FBXO7: variants seen among roughly 807,000 people sequenced by gnomAD.
The protein encoded by FBXO7 is F-box only protein 7.
A neutral mutation model predicts 50.2 loss-of-function variants in FBXO7; 31 were observed. That is an observed-to-expected ratio of 0.62 (90% CI 0.46 to 0.83). The LOEUF (loss-of-function observed/expected upper bound fraction) is 0.83, where lower values mean the gene tolerates loss of function less well. FBXO7 is among the 40% of genes least tolerant of loss of function. The pLI, the probability that FBXO7 is intolerant of heterozygous loss-of-function variation, is 0.00. For missense variants in FBXO7, 667 were observed against 646.6 expected, an observed-to-expected ratio of 1.03 and a Z score of -0.34; for synonymous variants, 256 against 253.1, an observed-to-expected ratio of 1.01 and a Z score of -0.11.
intron 8 of FBXO7, 25 bp downstream of exon 8, chr22:32,495,555 T>G: frequency 7.3e-7 from 1 of 1,362,222 alleles, no homozygotes; most frequent in South Asian, 1.2e-5. Context: ...ATATTAAGAC[T>G]AATGTCCATA....
chr22:32,496,437 G>T (rs536246592), intron 8 of FBXO7, among the ~76,000 whole-genome samples: 4 of 152,156 alleles, frequency 2.6e-5, no homozygotes, highest in East Asian at 1.9e-4. Context: ...AGCCAAGATC[G>T]CTCCATTGCA....
intron 5 of FBXO7, chr22:32,490,156 G>A (rs1172384780): frequency 1.3e-5 from 2 of 152,166 alleles, no homozygotes; most frequent in Non-Finnish European, 2.9e-5. Flanking sequence ...GAAGGAGCAA[G>A]CATAAATTGC....
intron 2 of FBXO7, among the ~76,000 whole-genome samples, chr22:32,481,618 G>A (rs1358622470): frequency 2.0e-5 from 3 of 152,188 alleles, no homozygotes; most frequent in African/African-American, 7.2e-5. Flanking sequence ...ATCACACTCT[G>A]TAATGTAGAA....
chr22:32,487,707 A>G (rs1209999871), intron 4 of FBXO7, 38 bp from the exon 5 acceptor site: 1 of 1,349,512 alleles, frequency 7.4e-7, no homozygotes, highest in African/African-American at 1.4e-5. Context: ...TGATGAAGTG[A>G]CAGAATTCTT....
At chr22:32,477,799 G>A (rs933897502) in intron 1 of FBXO7, among the ~76,000 whole-genome samples, 1 of 152,160 alleles carries the variant, frequency 6.6e-6, no homozygotes, top group Non-Finnish European at 1.5e-5. Context: ...ACTAGTGTTT[G>A]GTGGTTGCAT....
Position 32,479,182 on chromosome 22 carries a change from C to T in FBXO7, c.324C>T (p.Thr108=), listed in dbSNP as rs1035271596. The change falls in exon 2 of 9, where the codon ACC becomes ACT. Residue 108 remains threonine (T), a synonymous_variant. Transcript: ENST00000266087. ...LQNNEQPSLA[T]SSNQTSMQDE... ...ATAATGAGCAACCCTCTTTGGCCAC[C>T]AGCTCCAATCAGACTAGCATGCAGG... The T allele has an allele frequency of 6.2e-7, 1 of 1,614,052 alleles. No individual in the cohort carries two copies. The highest frequency in any genetic ancestry group is 1.3e-5 in the African/African-American group (1 of 74,992).
chr22:32,475,354 T>C (rs1465029093), intron 1 of FBXO7: 1 of 1,609,184 alleles, frequency 6.2e-7, no homozygotes, highest in African/African-American at 1.3e-5. Flanking sequence ...GTCCGGCTCC[T>C]GGAGAACATG....
chr22:32,482,430 G>A (rs1014939852), intron 2 of FBXO7, among the ~76,000 whole-genome samples: 1 of 152,134 alleles, frequency 6.6e-6, no homozygotes, highest in Admixed American at 6.5e-5. Context: ...CTAAAAAGAC[G>A]AAACGTATGC....
intron 1 of FBXO7, chr22:32,475,421 G>A: frequency 6.2e-7 from 1 of 1,610,382 alleles, no homozygotes; most frequent in South Asian, 1.1e-5. Context: ...TTCTGGTTTT[G>A]CAGTAAACGG....
Position 32,479,272 on chromosome 22 carries a change from T to C in FBXO7, c.414T>C (p.Ser138=). The change falls in exon 2 of 9, where the codon AGT becomes AGC. Residue 138 remains serine (S), a synonymous_variant. Transcript: ENST00000266087. ...AGTCTGGTGTTTGGAATGACGACAG[T>C]ATGGTGGGTATTAAACACCAATATA... ...AAQSGVWNDD[S]MLGPSQNFEA... 1 of 1,614,164 alleles carries C rather than the reference T, an allele frequency of 6.2e-7. No homozygotes were observed. The highest frequency in any genetic ancestry group is 8.5e-7 in the Non-Finnish European group (1 of 1,180,024).
chr22:32,495,843 A>T (rs1262105777), intron 8 of FBXO7, among the ~76,000 whole-genome samples: 1 of 152,230 alleles, frequency 6.6e-6, no homozygotes, highest in African/African-American at 2.4e-5. Flanking sequence ...ATAGTACCTT[A>T]TGAAAAGAAT....
At chr22:32,475,465 A>C (rs766718515) in intron 1 of FBXO7, 5 of 1,582,908 alleles carry the variant, frequency 3.2e-6, no homozygotes, top group Non-Finnish European at 4.3e-6. Context: ...CAATTTCCAC[A>C]ACTGGTTAGA....
At chr22:32,491,225 T>C in intron 6 of FBXO7, 44 bp downstream of exon 6, 6 of 1,342,586 alleles carry the variant, frequency 4.5e-6, no homozygotes, top group East Asian at 4.6e-5. Flanking sequence ...CTGTAAAGAA[T>C]AGTAAGTATA....
At chr22:32,475,186 G>T in intron 1 of FBXO7, 62 bp downstream of exon 1, 1 of 1,519,856 alleles carries the variant, frequency 6.6e-7, no homozygotes, top group African/African-American at 1.4e-5. Context: ...GTGGGTGCAG[G>T]GCGGGTTGGC....
chr22:32,496,962 T>C (rs909260693), intron 8 of FBXO7, among the ~76,000 whole-genome samples: 5 of 152,146 alleles, frequency 3.3e-5, no homozygotes, highest in Non-Finnish European at 7.3e-5. Flanking sequence ...AGTTTGGAAG[T>C]TGATTCCAAT....
Position 32,475,329 on chromosome 22 carries a change from G to A in FBXO7, c.122+205G>A, listed in dbSNP as rs1424722622. 3.7e-6 allele frequency: 6 copies of A among 1,608,008 alleles called. No individual in the cohort carries two copies. The Admixed American group carries it at 5.0e-5, about 13-fold the overall frequency. On this transcript the variant is annotated intron_variant, in intron 1 of 8. Coordinates refer to ENST00000266087, the MANE Select transcript of FBXO7 (RefSeq NM_012179.4). ...GGAGGGTGCAGGCGACGGGAAGCGC[G>A]GGTGGTCGGCTGGGGTCCGGCTCCT... is the stretch of plus-strand genomic sequence containing the variant.
At position 32,485,036 on chromosome 22, in the gene FBXO7, ATTAT is replaced by A. The variant is rs747585536; in HGVS notation, c.646-29_646-26del. 40 of 1,613,894 alleles carry A rather than the reference ATTAT, an allele frequency of 2.5e-5. No individual in the cohort carries two copies. The Admixed American group carries it at 6.7e-4, about 27-fold the overall frequency. ...CTTTTTGAGAGTAACACCTTTCTTC[ATTAT>A]TTGTTTCCCTTTCATTTCGTTCCCC... is the stretch of plus-strand genomic sequence containing the variant. On this transcript the variant is annotated intron_variant, in intron 3 of 8. Coordinates refer to ENST00000266087, the MANE Select transcript of FBXO7 (RefSeq NM_012179.4).
At position 32,491,086 on chromosome 22, in the gene FBXO7, G is replaced by C. The variant is rs2146000128; in HGVS notation, c.872G>C (p.Gly291Ala). Residue 291 changes from glycine to alanine, a missense_variant and splice_region_variant, in exon 6 of 9, where the codon GGG (glycine) becomes GCG (alanine). Gly to Ala is a moderately conservative substitution (Grantham distance 60). Coordinates refer to ENST00000266087, the MANE Select transcript of FBXO7 (RefSeq NM_012179.4). ...PESFICKEKL[G>A]ENVANIYKDL... Reference sequence around the variant, plus strand: ...GATTTTACTTTAAAAAATATTCTAGGGGAAAATGTAGCCAACATATACAAA... The same window carrying C: ...GATTTTACTTTAAAAAATATTCTAGCGGAAAATGTAGCCAACATATACAAA... The C allele has an allele frequency of 6.2e-7, 1 of 1,609,358 alleles. No homozygotes were observed. The highest frequency in any genetic ancestry group is 2.2e-5 in the East Asian group (1 of 44,816).
chr22:32,477,446 A>G (rs192578422), intron 1 of FBXO7, among the ~76,000 whole-genome samples: 241 of 152,298 alleles, frequency 1.6e-3, no homozygotes, highest in African/African-American at 5.6e-3. Context: ...TGTGATGAAA[A>G]ACATTTTATT....
Sources: gnomAD v4.1 joint callset for allele counts (sites outside exome capture counted in the v4.1 genomes callset) on GRCh38, gnomAD v4.1.1 for gene constraint, MANE v1.5 for transcripts, NCBI Gene and HGNC (gene_info 2026-07-23, HGNC 2026-07-21) for gene names.